Variants in ST6GALNAC3 observed in about 807,000 individuals in gnomAD.
ST6GALNAC3 encodes alpha-N-acetylgalactosaminide alpha-2,6-sialyltransferase 3.
A neutral mutation model predicts 32.7 loss-of-function variants in ST6GALNAC3; 25 were observed. That is an observed-to-expected ratio of 0.76 (90% CI 0.56 to 1.07). The LOEUF is 1.07. Among genes scored for constraint, ST6GALNAC3 ranks in the 50% least tolerant of loss-of-function variants. The probability of loss-of-function intolerance (pLI) is 0.00; values close to 1 mark genes in which losing one functional copy is unlikely to be tolerated. For synonymous variants in ST6GALNAC3, 129 were observed against 133.1 expected (o/e 0.97, Z 0.21); for missense variants, 355 against 382.4 (o/e 0.93, Z 0.60).
chr1:76,572,132 T>C (rs748576184), intron 3 of ST6GALNAC3, among the ~76,000 whole-genome samples: 2 of 152,110 alleles, frequency 1.3e-5, no homozygotes, highest in Non-Finnish European at 2.9e-5. Flanking sequence ...TCCTCTTTTT[T>C]TGGATATTTT....
intron 3 of ST6GALNAC3, among the ~76,000 whole-genome samples, chr1:76,572,183 T>C (rs1398930114): frequency 1.3e-5 from 2 of 152,078 alleles, no homozygotes; most frequent in African/African-American, 2.4e-5. Flanking sequence ...TTATATTCTT[T>C]ACATGAACTG....
chr1:76,211,139 A>G (rs1655133770), intron 1 of ST6GALNAC3, among the ~76,000 whole-genome samples: 1 of 152,230 alleles, frequency 6.6e-6, no homozygotes. Flanking sequence ...ATGAACAGAC[A>G]CTTCTCAAAA....
intron 1 of ST6GALNAC3, among the ~76,000 whole-genome samples, chr1:76,150,352 T>C (rs1650964241): frequency 6.6e-6 from 1 of 152,226 alleles, no homozygotes; most frequent in East Asian, 1.9e-4. Flanking sequence ...TCTTCCTTCA[T>C]GGTGTCAAGT....
At chr1:76,221,557 T>C (rs1304030329) in intron 1 of ST6GALNAC3, among the ~76,000 whole-genome samples, 1 of 152,180 alleles carries the variant, frequency 6.6e-6, no homozygotes, top group Non-Finnish European at 1.5e-5. Flanking sequence ...TCCCTGAGAA[T>C]GTATCATTCA....
chr1:76,454,602 A>G (rs1657638781), intron 3 of ST6GALNAC3, among the ~76,000 whole-genome samples: 1 of 152,146 alleles, frequency 6.6e-6, no homozygotes, highest in Non-Finnish European at 1.5e-5. Context: ...GGAGACTGAA[A>G]ATAGGGCCCA....
At chr1:76,140,441 G>A (rs1650239773) in intron 1 of ST6GALNAC3, among the ~76,000 whole-genome samples, 1 of 151,974 alleles carries the variant, frequency 6.6e-6, no homozygotes, top group Non-Finnish European at 1.5e-5. Flanking sequence ...GCCCCTGCTG[G>A]TCACATGGTC....
intron 2 of ST6GALNAC3, among the ~76,000 whole-genome samples, chr1:76,358,857 T>C (rs1240042449): frequency 2.0e-5 from 3 of 152,200 alleles, no homozygotes; most frequent in Admixed American, 6.5e-5. Flanking sequence ...AAACTGCGTC[T>C]TCTGTCTGGG....
chr1:76,357,130 C>CTTTTTCTTT (rs1553184102), intron 2 of ST6GALNAC3, among the ~76,000 whole-genome samples: 2 of 111,176 alleles, frequency 1.8e-5, no homozygotes, highest in Non-Finnish European at 3.4e-5. Context: ...TTTTCTTTTT[C>CTTTTTCTTT]TTTTTTTTTT....
chr1:76,486,209 G>A (rs1002416172), intron 3 of ST6GALNAC3, among the ~76,000 whole-genome samples: 1 of 152,184 alleles, frequency 6.6e-6, no homozygotes, highest in Non-Finnish European at 1.5e-5. Context: ...TGTTGATTTG[G>A]GGTGGAGATT....
chr1:76,358,313 C>G (rs1275847137), intron 2 of ST6GALNAC3, among the ~76,000 whole-genome samples: 1 of 152,194 alleles, frequency 6.6e-6, no homozygotes, highest in African/African-American at 2.4e-5. Flanking sequence ...CAACATCTCT[C>G]TGAAAATGCT....
At chr1:76,085,387 T>A (rs1646951111) in intron 1 of ST6GALNAC3, among the ~76,000 whole-genome samples, 1 of 152,172 alleles carries the variant, frequency 6.6e-6, no homozygotes, top group African/African-American at 2.4e-5. Context: ...GTGTGGTTCT[T>A]TCATGTCTGG....
chr1:76,490,872 T>G (rs1031596867), intron 3 of ST6GALNAC3, among the ~76,000 whole-genome samples: 2 of 151,970 alleles, frequency 1.3e-5, no homozygotes, highest in African/African-American at 4.8e-5. Flanking sequence ...TTTTGTTTTT[T>G]TTTGAGACAG....
At chr1:76,534,217 A>G (rs996496141) in intron 3 of ST6GALNAC3, among the ~76,000 whole-genome samples, 3 of 151,828 alleles carry the variant, frequency 2.0e-5, no homozygotes, top group African/African-American at 7.3e-5. Context: ...TAATTTTTGT[A>G]TTTTTAGTAG....
At chr1:76,564,985 C>T (rs1187062023) in intron 3 of ST6GALNAC3, among the ~76,000 whole-genome samples, 1 of 152,136 alleles carries the variant, frequency 6.6e-6, no homozygotes, top group East Asian at 1.9e-4. Flanking sequence ...ACTTAAAATG[C>T]TCCCCTGCAA....
At chr1:76,551,332 C>T (rs548138245) in intron 3 of ST6GALNAC3, among the ~76,000 whole-genome samples, 8 of 152,132 alleles carry the variant, frequency 5.3e-5, no homozygotes, top group Non-Finnish European at 7.3e-5. Flanking sequence ...TCTCCTTATC[C>T]GTAAACTTGA....
intron 3 of ST6GALNAC3, among the ~76,000 whole-genome samples, chr1:76,551,297 G>C (rs1197025471): frequency 6.6e-6 from 1 of 152,098 alleles, no homozygotes; most frequent in African/African-American, 2.4e-5. Context: ...AAATGTCATT[G>C]CATTGACATA....
rs1218496429 is a variant in ST6GALNAC3, at chr1:76,253,523, T to G, written c.19-60282T>G. On this transcript the variant is annotated intron_variant, in intron 1 of 4. Transcript: ENST00000328299. Reference sequence around the variant, plus strand: ...GTCAACACACCCCATCCCAAAATGTTGTAAAGTGCCAGACTTCTTAGGGTA... The same window carrying G: ...GTCAACACACCCCATCCCAAAATGTGGTAAAGTGCCAGACTTCTTAGGGTA... Among the ~76,000 whole-genome samples the G allele has an allele frequency of 2.6e-5, 4 of 152,140 alleles. No individual in the cohort carries two copies. The South Asian group carries it at 8.3e-4, about 31-fold the overall frequency.
chr1:76,241,053 G>A (rs1382657586), intron 1 of ST6GALNAC3, among the ~76,000 whole-genome samples: 3 of 152,004 alleles, frequency 2.0e-5, no homozygotes, highest in African/African-American at 7.3e-5. Flanking sequence ...TTAACTTCCT[G>A]GTTACCAGGT....
In ST6GALNAC3 at chr1:76,615,922, C is replaced by T. The variant is rs553339316; in HGVS notation, c.624-11530C>T. ...TTTCTTCCCTCTGAGAGAGATGGCC[C>T]TTAAAAGTGTTGGAATGTATCTCTT... On this transcript the variant is annotated intron_variant, in intron 3 of 4. Transcript: ENST00000328299. Among the ~76,000 whole-genome samples the T allele has an allele frequency of 2.6e-5, 4 of 152,112 alleles. No individual in the cohort carries two copies. The East Asian group carries it at 7.7e-4, about 29-fold the overall frequency.
Sources: allele counts gnomAD v4.1 joint callset (sites outside exome capture counted in the v4.1 genomes callset), GRCh38; gene constraint gnomAD v4.1.1; transcripts MANE v1.5; gene names NCBI Gene and HGNC (gene_info 2026-07-23, HGNC 2026-07-21).